DNAAF4: variants seen among roughly 807,000 people sequenced by gnomAD.
DNAAF4 encodes the protein dynein axonemal assembly factor 4, also known as dynein assembly factor 4, axonemal.
Under a neutral mutation model 51.8 loss-of-function variants are expected in DNAAF4, and 43 were observed. The observed-to-expected ratio is 0.83, with a 90% CI of 0.65 to 1.07. The LOEUF (loss-of-function observed/expected upper bound fraction) is 1.07. Ranked by LOEUF, DNAAF4 falls within the 50% of genes least tolerant of loss-of-function variation. The pLI, the probability that DNAAF4 is intolerant of heterozygous loss-of-function variation, is 0.00. For synonymous variants in DNAAF4, 194 were observed against 165.6 expected, an observed-to-expected ratio of 1.17 and a Z score of -1.32; for missense variants, 581 against 493.0, an observed-to-expected ratio of 1.18 and a Z score of -1.69.
intron 1 of DNAAF4, among the ~76,000 whole-genome samples, chr15:55,507,760 C>G (rs1206066780): frequency 6.6e-6 from 1 of 152,156 alleles, no homozygotes; most frequent in East Asian, 1.9e-4. Context: ...GGGAGTGTCA[C>G]TTGAGGCCAG....
At chr15:55,445,515 G>A (rs6493788) in intron 6 of DNAAF4, among the ~76,000 whole-genome samples, 47,160 of 151,672 alleles carry the variant, frequency 0.31, 7,948 homozygotes, top group Non-Finnish European at 0.38. Context: ...CCACAAAACC[G>A]CCATCGTCAT....
At chr15:55,433,908 A>AT (rs2057549702) in intron 8 of DNAAF4, among the ~76,000 whole-genome samples, 1 of 6,154 alleles carries the variant, frequency 1.6e-4, no homozygotes, top group African/African-American at 4.5e-4. Flanking sequence ...TATATATTAT[A>AT]TATAATTATA....
Position 55,476,471 on chromosome 15 carries a change from G to GA in DNAAF4, c.406-9311dup, listed in dbSNP as rs2058336533. On this transcript the variant is annotated intron_variant, in intron 4 of 9. Transcript: ENST00000321149. ...TTATCTCTTAAAAGAGAAAGGAAAGGAAAATGATACCAGATATTAACTAAT... is the reference window on the plus strand; with the variant it reads ...TTATCTCTTAAAAGAGAAAGGAAAGGAAAAATGATACCAGATATTAACTAAT... Among the ~76,000 whole-genome samples, 3 of 152,230 alleles carry GA rather than the reference G, an allele frequency of 2.0e-5. No individual in the cohort carries two copies. In the South Asian group the frequency reaches 6.2e-4, roughly 32 times the overall value.
At position 55,418,938 on chromosome 15, in the gene DNAAF4, T is replaced by TTTTTA. The variant is rs2057363049; in HGVS notation, c.1048-806_1048-805insTAAAA. 1.4e-5 allele frequency among the ~76,000 whole-genome samples: 2 copies of TTTTTA among 138,276 alleles called. 1 individual carries two copies. The highest frequency in any genetic ancestry group is 3.1e-5 in the Non-Finnish European group (2 of 64,658). 90.7% of individuals were successfully genotyped at this position (138,276 alleles called of 152,430 possible). A position where few individuals can be genotyped will look rare whatever the true frequency, so the allele number is the denominator to read the frequency against. ...AATTTCACACTTTTTTTTTTTTTTT[T>TTTTTA]GAGTGAGTTGGAGTCTCGCTCTGTC... On this transcript the variant is annotated intron_variant, in intron 7 of 7. Coordinates refer to the DNAAF4 transcript ENST00000448430.
chr15:55,424,801 T>C (rs2057416161), intron 7 of DNAAF4, among the ~76,000 whole-genome samples: 1 of 151,976 alleles, frequency 6.6e-6, no homozygotes, highest in African/African-American at 2.4e-5. Flanking sequence ...GACCTCATCA[T>C]CCACCTGCCT....
At chr15:55,425,116 C>T (rs536623427) in intron 7 of DNAAF4, among the ~76,000 whole-genome samples, 4 of 152,304 alleles carry the variant, frequency 2.6e-5, no homozygotes, top group South Asian at 4.1e-4. Flanking sequence ...CCGCCCACCT[C>T]GGCCTCCCAA....
chr15:55,494,855 T>C (rs1252900311), intron 3 of DNAAF4, among the ~76,000 whole-genome samples: 1 of 152,014 alleles, frequency 6.6e-6, no homozygotes, highest in Non-Finnish European at 1.5e-5. Flanking sequence ...ATGAAAAAAA[T>C]CAAAATAACA....
At chr15:55,443,345 A>G (rs1225296214) in intron 6 of DNAAF4, 4 of 870,050 alleles carry the variant, frequency 4.6e-6, no homozygotes, top group East Asian at 2.6e-5. Flanking sequence ...CGCCTGGCGC[A>G]GCTCCTCAGC....
At position 55,449,695 on chromosome 15, in the gene DNAAF4, G is replaced by GTTTTTTTT. The variant is rs1195492282; in HGVS notation, c.783+526_783+527insAAAAAAAA. ...AACAAACAACAACAACAAAAAGACC[G>GTTTTTTTT]CTTTTTTTTTTTTTTTTTTTTGATT... On this transcript the variant is annotated intron_variant, in intron 6 of 9. Coordinates refer to ENST00000321149, the MANE Select transcript of DNAAF4 (RefSeq NM_130810.4). Among the ~76,000 whole-genome samples the GTTTTTTTT allele has an allele frequency of 1.1e-4, 4 of 35,290 alleles. 1 individual carries two copies. Among genetic ancestry groups the GTTTTTTTT allele is most frequent in the Non-Finnish European group, 9.9e-5 (2 of 20,216 alleles). 23.2% of individuals were successfully genotyped at this position (35,290 alleles called of 152,430 possible).
intron 7 of DNAAF4, among the ~76,000 whole-genome samples, chr15:55,423,200 G>C (rs1248656224): frequency 2.7e-5 from 4 of 147,552 alleles, no homozygotes; most frequent in Non-Finnish European, 4.5e-5. Flanking sequence ...ATATAATATA[G>C]CATATTTTGT....
chr15:55,503,764 G>C (rs2141613588), intron 1 of DNAAF4, among the ~76,000 whole-genome samples: 1 of 152,200 alleles, frequency 6.6e-6, no homozygotes, highest in Middle Eastern at 3.4e-3. Context: ...AGGTATTGTT[G>C]GAACGTATCT....
At chr15:55,491,638 TATATAAA>T (rs2058572359) in intron 3 of DNAAF4, among the ~76,000 whole-genome samples, 1 of 143,480 alleles carries the variant, frequency 7.0e-6, no homozygotes, top group African/African-American at 2.6e-5. Context: ...ATTTATATAA[TATATAAA>T]ATATAAAATA....
intron 4 of DNAAF4, among the ~76,000 whole-genome samples, chr15:55,484,471 T>A (rs2058458186): frequency 7.0e-6 from 1 of 142,188 alleles, no homozygotes; most frequent in Non-Finnish European, 1.5e-5. Flanking sequence ...GGCAACAGAG[T>A]GAGACTCCGT....
chr15:55,422,034 G>C (rs1484650549), intron 7 of DNAAF4, among the ~76,000 whole-genome samples: 1 of 151,300 alleles, frequency 6.6e-6, no homozygotes, highest in African/African-American at 2.4e-5. Context: ...AGACCAAAAA[G>C]CATGTATAAA....
rs767753412 is a variant in DNAAF4, at chr15:55,453,632, G to A, written c.638-3265C>T. Among the ~76,000 whole-genome samples the A allele has an allele frequency of 6.2e-5, 9 of 144,568 alleles. No individual in the cohort carries two copies. The Middle Eastern group carries it at 0.032, about 509-fold the overall frequency. 94.8% of individuals were successfully genotyped at this position (144,568 alleles called of 152,430 possible). ...GTGGCGCGATCTCGGCTCACTGCAAGCTCTGCCTCCCGGGTTCACGCCATT... is the reference window on the plus strand; with the variant it reads ...GTGGCGCGATCTCGGCTCACTGCAAACTCTGCCTCCCGGGTTCACGCCATT... On this transcript the variant is annotated intron_variant, in intron 5 of 9. Transcript: ENST00000321149.
chr15:55,490,217 C>G (rs2058552086), intron 4 of DNAAF4, among the ~76,000 whole-genome samples: 1 of 151,864 alleles, frequency 6.6e-6, no homozygotes. Context: ...ATAGGTATAT[C>G]TATTGAGACA....
rs1003469804 is a variant in DNAAF4 at position 55,504,011 on chromosome 15, T to C, written c.-256+4111A>G. ...TCTCTGTTTGCAGACGACATGATTG[T>C]CTATTTAGAAAACCGCATAGCCTCA... On this transcript the variant is annotated intron_variant, in intron 1 of 9. Transcript: ENST00000321149. Among the ~76,000 whole-genome samples, 16 of 152,312 alleles carry C rather than the reference T, an allele frequency of 1.1e-4. 1 individual carries two copies. The highest frequency in any genetic ancestry group is 6.5e-4 in the Admixed American group (10 of 15,292).
intron 4 of DNAAF4, among the ~76,000 whole-genome samples, chr15:55,478,951 T>C (rs2058372103): frequency 1.3e-5 from 2 of 152,064 alleles, no homozygotes; most frequent in Non-Finnish European, 2.9e-5. Flanking sequence ...TCTTATCTGA[T>C]CATGTAAGCT....
At chr15:55,423,171 T>TTC (rs1240291773) in intron 7 of DNAAF4, among the ~76,000 whole-genome samples, 1 of 150,320 alleles carries the variant, frequency 6.7e-6, no homozygotes. Flanking sequence ...GCCAAAAGTT[T>TTC]TTTTTTTTTT....
Sources: allele counts gnomAD v4.1 joint callset (sites outside exome capture counted in the v4.1 genomes callset), GRCh38; gene constraint gnomAD v4.1.1; transcripts MANE v1.5; gene names NCBI Gene and HGNC (gene_info 2026-07-23, HGNC 2026-07-21).